Variants in SDAD1 observed in about 807,000 individuals in gnomAD.
SDAD1 encodes the protein protein SDA1 homolog.
A neutral mutation model predicts 100.3 loss-of-function variants in SDAD1; 79 were observed. That is an observed-to-expected ratio of 0.79 (90% confidence interval 0.66 to 0.95). The LOEUF (loss-of-function observed/expected upper bound fraction) is 0.95. SDAD1 is among the 40% of genes least tolerant of loss of function. The pLI, the probability that SDAD1 is intolerant of heterozygous loss-of-function variation, is 0.00. For missense variants in SDAD1, 790 were observed against 810.9 expected (o/e 0.97, Z 0.31); for synonymous variants, 267 against 271.4 (o/e 0.98, Z 0.16).
chr4:75,970,084 A>C (rs1199479474), intron 10 of SDAD1, among the ~76,000 whole-genome samples: 1 of 152,072 alleles, frequency 6.6e-6, no homozygotes, highest in Non-Finnish European at 1.5e-5. Context: ...AAAAACATGA[A>C]TCTCAGAAAC....
chr4:75,950,842 C>A, intron 21 of SDAD1, 45 bp from the exon 22 acceptor site: 5 of 1,347,364 alleles, frequency 3.7e-6, no homozygotes, highest in South Asian at 1.3e-5. Flanking sequence ...CTTGGGTACC[C>A]TATTATACGA....
At position 75,956,149 on chromosome 4, in the gene SDAD1, A is replaced by G. The variant is rs747993033; in HGVS notation, c.1855-13T>C. ...CTGTCTTTCCAGCCTACCAGAACAAAAAGTTTGATATTTCTTCTTCAACAA... is the reference window on the plus strand; with the variant it reads ...CTGTCTTTCCAGCCTACCAGAACAAGAAGTTTGATATTTCTTCTTCAACAA... On this transcript the variant is annotated splice_polypyrimidine_tract_variant and intron_variant, in intron 20 of 21. Coordinates refer to ENST00000356260, the MANE Select transcript of SDAD1 (RefSeq NM_018115.4). The G allele has an allele frequency of 6.3e-7, 1 of 1,590,214 alleles. No homozygotes were observed. The highest frequency in any genetic ancestry group is 8.5e-7 in the Non-Finnish European group (1 of 1,172,756).
chr4:75,962,486 A>C (rs1729301274), intron 14 of SDAD1, among the ~76,000 whole-genome samples: 1 of 152,188 alleles, frequency 6.6e-6, no homozygotes, highest in African/African-American at 2.4e-5. Context: ...TGTCTTCCAC[A>C]ATGGTTGAAC....
chr4:75,970,366 T>G lies in SDAD1; in HGVS notation c.826A>C (p.Lys276Gln). The G allele has an allele frequency of 6.2e-7, 1 of 1,613,574 alleles. No homozygotes were observed. Among genetic ancestry groups the G allele is most frequent in the Non-Finnish European group, 8.5e-7 (1 of 1,179,534 alleles). The change falls in exon 10 of 22, where the codon AAG becomes CAG. Residue 276 changes from lysine to glutamine, a missense_variant. By Grantham distance (53) the Lys-to-Gln change is moderately conservative (BLOSUM62 1). Coordinates refer to ENST00000356260, the MANE Select transcript of SDAD1 (RefSeq NM_018115.4). ...AMKVLKKQKK[K>Q]KKPEVFNFSA... ...AAGTTAAACACCTCTGGTTTTTTCT[T>G]CTTTTTTTGTTTCTGAAAGGGAGAG... is the stretch of plus-strand genomic sequence containing the variant.
chr4:75,960,773 T>A (rs1371579082), intron 16 of SDAD1, among the ~76,000 whole-genome samples: 4 of 152,350 alleles, frequency 2.6e-5, no homozygotes, highest in Middle Eastern at 6.8e-3. Flanking sequence ...TCCGATCTGT[T>A]AATAACATTA....
chr4:75,964,318 C>T lies in SDAD1; in HGVS notation c.1105-107G>A. On this transcript the variant is annotated intron_variant, in intron 13 of 21. Coordinates refer to ENST00000356260, the MANE Select transcript of SDAD1 (RefSeq NM_018115.4). Reference sequence around the variant, plus strand: ...ATTCATAGTGGAAAACCCAGCCTTCCACCTTCAGTTTAGGAATTGGAAGTA... The same window carrying T: ...ATTCATAGTGGAAAACCCAGCCTTCTACCTTCAGTTTAGGAATTGGAAGTA... 1.7e-5 allele frequency: 13 copies of T among 752,370 alleles called. 1 individual carries two copies. Among genetic ancestry groups the T allele is most frequent in the South Asian group, 1.4e-4 (9 of 63,244 alleles). The allele number at this position is 752,370 out of a possible 1,614,324, so 46.6% of individuals were successfully genotyped here.
chr4:75,982,341 C>T (rs9999812), intron 1 of SDAD1, among the ~76,000 whole-genome samples: 4,662 of 152,254 alleles, frequency 0.031, 129 homozygotes, highest in African/African-American at 0.074. Flanking sequence ...CCTGTTCTGC[C>T]AGTTACTATC....
chr4:75,965,942 C>T, intron 12 of SDAD1, 120 bp from the exon 13 acceptor site: 1 of 740,356 alleles, frequency 1.4e-6, no homozygotes, highest in Non-Finnish European at 2.3e-6. Context: ...CCACCTGGAA[C>T]ACTCAATCCC....
At chr4:75,982,473 C>T (rs547579583) in intron 1 of SDAD1, among the ~76,000 whole-genome samples, 1 of 152,098 alleles carries the variant, frequency 6.6e-6, no homozygotes, top group East Asian at 1.9e-4. Context: ...CACAGGGAGA[C>T]CTTGTCTCTA....
chr4:75,988,195 G>A (rs966765779), intron 1 of SDAD1, among the ~76,000 whole-genome samples: 9 of 152,068 alleles, frequency 5.9e-5, no homozygotes, highest in South Asian at 2.1e-4. Flanking sequence ...CTCAAGTAAC[G>A]GTGATCTTGT....
chr4:75,984,762 TACACACACACACACAAACACACACAC>T (rs1384457169), intron 1 of SDAD1, among the ~76,000 whole-genome samples: 2 of 72,888 alleles, frequency 2.7e-5, no homozygotes, highest in East Asian at 6.2e-4. Flanking sequence ...TTATGTGACA[TACACACACACACACAAACACACACAC>T]ACACACACAC....
chr4:75,972,562 T>G (rs1218034375), intron 8 of SDAD1, among the ~76,000 whole-genome samples: 1 of 151,932 alleles, frequency 6.6e-6, no homozygotes, highest in Non-Finnish European at 1.5e-5. Flanking sequence ...CCATTTACAA[T>G]AAAATGTATT....
intron 10 of SDAD1, 64 bp downstream of exon 10, chr4:75,970,245 A>AT (rs1729787134): frequency 1.5e-6 from 2 of 1,358,756 alleles, no homozygotes; most frequent in Admixed American, 3.7e-5. Context: ...GAAAACCCCA[A>AT]AGGCAGGAAA....
chr4:75,967,459 C>G, intron 11 of SDAD1, 125 bp from the exon 12 acceptor site: 1 of 770,090 alleles, frequency 1.3e-6, no homozygotes, highest in Non-Finnish European at 2.2e-6. Context: ...TCTCAGTAAG[C>G]AATCATGCCC....
intron 17 of SDAD1, 141 bp downstream of exon 17, chr4:75,959,925 C>G (rs1367804182): frequency 2.6e-5 from 21 of 813,800 alleles, no homozygotes; most frequent in Non-Finnish European, 3.4e-5. Flanking sequence ...ATTGATCCCC[C>G]ATACTTCTAA....
chr4:75,976,216 C>T (rs546090830), intron 4 of SDAD1, among the ~76,000 whole-genome samples: 1 of 152,276 alleles, frequency 6.6e-6, no homozygotes, highest in South Asian at 2.1e-4. Context: ...TAATACGGCA[C>T]AATTCTCCTA....
At chr4:75,961,542 A>G (rs1241047290) in intron 14 of SDAD1, among the ~76,000 whole-genome samples, 1 of 152,136 alleles carries the variant, frequency 6.6e-6, no homozygotes, top group Non-Finnish European at 1.5e-5. Flanking sequence ...TGTCCGGCAC[A>G]CTAAATCAGA....
chr4:75,962,616 T>C (rs913436792), intron 14 of SDAD1, among the ~76,000 whole-genome samples: 2 of 152,222 alleles, frequency 1.3e-5, no homozygotes, highest in African/African-American at 2.4e-5. Flanking sequence ...TGGTATCTCA[T>C]TGTGGTTTTG....
At chr4:75,958,655 G>A (rs1729043430) in intron 17 of SDAD1, among the ~76,000 whole-genome samples, 1 of 152,126 alleles carries the variant, frequency 6.6e-6, no homozygotes, top group Non-Finnish European at 1.5e-5. Flanking sequence ...GTCTTTCTAT[G>A]TTCCATCTTG....
Sources: gnomAD v4.1 joint callset for allele counts (sites outside exome capture counted in the v4.1 genomes callset) on GRCh38, gnomAD v4.1.1 for gene constraint, MANE v1.5 for transcripts, NCBI Gene and HGNC (gene_info 2026-07-23, HGNC 2026-07-21) for gene names.